The following PLCD4 variants were observed in gnomAD, a reference collection of about 807,000 sequenced individuals.
PLCD4 encodes the protein 1-phosphatidylinositol 4,5-bisphosphate phosphodiesterase delta-4.
A neutral mutation model predicts 90.2 loss-of-function variants in PLCD4; 63 were observed. The observed-to-expected ratio is 0.70, with a 90% confidence interval of 0.57 to 0.86. The LOEUF is 0.86. Ranked by LOEUF, PLCD4 falls within the 40% of genes least tolerant of loss-of-function variation. PLCD4 has a pLI of 0.00. For synonymous variants in PLCD4, 294 were observed against 356.5 expected (o/e 0.82, Z 1.97); for missense variants, 830 against 956.3 (o/e 0.87, Z 1.74).
rs143040318 is a variant in PLCD4 at position 218,631,029 on chromosome 2, A to C, written c.1272+227A>C. On this transcript the variant is annotated intron_variant, in intron 9 of 15. Coordinates refer to ENST00000450993, the MANE Select transcript of PLCD4 (RefSeq NM_032726.4). The stretch of plus-strand genomic sequence containing the variant: ...AAGTTTTAAATCAACAATTTACATT[A>C]TTTCTTTTCTCAGTGGAAGTATCTT... 5.9e-4 allele frequency among the ~76,000 whole-genome samples: 90 copies of C among 152,190 alleles called. 1 individual carries two copies. The East Asian group carries it at 0.015, about 25-fold the overall frequency.
intron 6 of PLCD4, among the ~76,000 whole-genome samples, chr2:218,624,812 A>AAC (rs1194378028): frequency 8.6e-5 from 13 of 151,854 alleles, no homozygotes; most frequent in African/African-American, 3.1e-4. Flanking sequence ...TTAAAAGTTT[A>AAC]AGAGATAGAA....
In PLCD4 at chr2:218,614,617, T is replaced by C. The variant is rs1575014032; in HGVS notation, c.-33-1090T>C. 2.6e-5 allele frequency among the ~76,000 whole-genome samples: 4 copies of C among 151,840 alleles called. No homozygotes were observed. The South Asian group carries it at 8.3e-4, about 32-fold the overall frequency. ...GGTGCTTGCCACCATGCCCAGCTAA[T>C]TTTTTTGTATTACTAGTGAGACGGG... On this transcript the variant is annotated intron_variant, in intron 1 of 15. Coordinates refer to ENST00000450993, the MANE Select transcript of PLCD4 (RefSeq NM_032726.4).
intron 14 of PLCD4, 89 bp downstream of exon 14, chr2:218,636,020 A>G: frequency 6.3e-7 from 1 of 1,578,010 alleles, no homozygotes; most frequent in South Asian, 1.2e-5. Flanking sequence ...AGCATCTGTT[A>G]TTGCATGTCC....
At chr2:218,612,756 G>T (rs1448366324) in intron 1 of PLCD4, among the ~76,000 whole-genome samples, 4 of 152,012 alleles carry the variant, frequency 2.6e-5, no homozygotes, top group African/African-American at 9.7e-5. Context: ...TGGCGACAGA[G>T]CAAGACTCCA....
At chr2:218,636,173 C>T in intron 14 of PLCD4, 70 bp from the exon 15 acceptor site, 4 of 1,527,140 alleles carry the variant, frequency 2.6e-6, no homozygotes, top group East Asian at 2.3e-5. Flanking sequence ...TAAATGAGAA[C>T]ACAAGAAAAG....
At position 218,634,362 on chromosome 2, in the gene PLCD4, A is replaced by G; in HGVS notation, c.1724-96A>G. The G allele has an allele frequency of 6.4e-7, 1 of 1,573,254 alleles. No individual in the cohort carries two copies. The highest frequency in any genetic ancestry group is 8.6e-7 in the Non-Finnish European group (1 of 1,156,440). ...CTATCAGTGGATATTACCAGCAGGT[A>G]CCGTGCACCCAGTACCTATCTTCTT... On this transcript the variant is annotated intron_variant, in intron 12 of 15. Transcript: ENST00000450993. This position sits in a 1 kb window ranked among gnomAD's most constrained non-coding sequence, Gnocchi z 4.0.
chr2:218,628,257 A>G, intron 7 of PLCD4, 27 bp downstream of exon 7: 1 of 1,593,702 alleles, frequency 6.3e-7, no homozygotes, highest in Middle Eastern at 1.7e-4. Context: ...GAAGGGGTCC[A>G]ACTCATGAGA....
intron 1 of PLCD4, among the ~76,000 whole-genome samples, chr2:218,610,141 AT>A (rs71403055): frequency 7.9e-5 from 12 of 151,878 alleles, no homozygotes; most frequent in African/African-American, 9.7e-5. Context: ...TTTAAAAAAA[AT>A]TTTTTTTATA....
At chr2:218,622,463 C>T in intron 5 of PLCD4, 184 bp from the exon 6 acceptor site, 1 of 471,592 alleles carries the variant, frequency 2.1e-6, no homozygotes, top group East Asian at 3.4e-5. Flanking sequence ...AAGGTCATAA[C>T]ATTTCCCATT....
At position 218,616,042 on chromosome 2, in the gene PLCD4, G is replaced by A. The variant is rs1695564622; in HGVS notation, c.161G>A (p.Arg54Lys). The A allele has an allele frequency of 1.9e-6, 3 of 1,613,732 alleles. No homozygotes were observed. Among genetic ancestry groups the A allele is most frequent in the Non-Finnish European group, 2.5e-6 (3 of 1,179,886 alleles). ...GMTVWHARQA[R>K]GSAKPSFSIS... ...ACAGTCTGGCATGCACGGCAGGCCA[G>A]GGGCAGTGCCAAGCCCAGCTGTGAG... Residue 54 changes from arginine to lysine, a missense_variant, in exon 3 of 16, where the codon AGG becomes AAG. Coordinates refer to ENST00000450993, the MANE Select transcript of PLCD4 (RefSeq NM_032726.4).
chr2:218,629,944 G>A (rs1696287080), intron 8 of PLCD4, among the ~76,000 whole-genome samples: 1 of 152,340 alleles, frequency 6.6e-6, no homozygotes, highest in South Asian at 2.1e-4. Flanking sequence ...CTGGGAGGCC[G>A]AGGCGGGTGG....
Position 218,616,927 on chromosome 2 carries a change from TAGAGAGAGAGAGAGAGAGAG to T in PLCD4, c.181+905_181+924del, listed in dbSNP as rs71266346. On this transcript the variant is annotated intron_variant, in intron 3 of 15. Transcript: ENST00000450993. The stretch of plus-strand genomic sequence containing the variant: ...ATATATATATATATATATATATATA[TAGAGAGAGAGAGAGAGAGAG>T]AGAGAGAGAGAGAGAGAGAGAGAGA... Among the ~76,000 whole-genome samples the T allele has an allele frequency of 3.1e-3, 43 of 13,760 alleles. 2 individuals carry two copies. Among genetic ancestry groups the T allele is most frequent in the Non-Finnish European group, 3.9e-3 (31 of 7,900 alleles). 9.0% of individuals were successfully genotyped at this position (13,760 alleles called of 152,430 possible).
At chr2:218,627,420 T>C (rs1696164196) in intron 6 of PLCD4, among the ~76,000 whole-genome samples, 3 of 151,626 alleles carry the variant, frequency 2.0e-5, no homozygotes, top group African/African-American at 7.3e-5. Flanking sequence ...TTTTTCTCTT[T>C]AGTACTATAG....
At chr2:218,633,873 GGAGTT>G in intron 11 of PLCD4, 112 bp downstream of exon 11, 6 of 1,158,454 alleles carry the variant, frequency 5.2e-6, no homozygotes, top group Admixed American at 2.0e-5. Context: ...GAGAGATGAA[GGAGTT>G]CAGAAACTCC....
At chr2:218,612,732 A>G (rs1029958868) in intron 1 of PLCD4, among the ~76,000 whole-genome samples, 2 of 152,154 alleles carry the variant, frequency 1.3e-5, no homozygotes, top group Non-Finnish European at 2.9e-5. Context: ...AGATGGTGCC[A>G]TTGCACTCCA....
At position 218,615,706 on chromosome 2, in the gene PLCD4, G is replaced by A. The variant is rs58401964; in HGVS notation, c.-33-1G>A. Reference sequence around the variant, plus strand: ...CCCTTTGCTCTTCCTTGCTCCTTTAGGTGATCTGGTGCCAGCTGGTGGAAC... The same window carrying A: ...CCCTTTGCTCTTCCTTGCTCCTTTAAGTGATCTGGTGCCAGCTGGTGGAAC... On this transcript the variant is annotated splice_acceptor_variant, in intron 1 of 15. Transcript: ENST00000450993. LOFTEE classifies it low-confidence loss of function (5UTR_SPLICE). 6 of 1,588,250 alleles carry A rather than the reference G, an allele frequency of 3.8e-6. No individual in the cohort carries two copies. The highest frequency in any genetic ancestry group is 5.1e-6 in the Non-Finnish European group (6 of 1,168,768).
At position 218,621,482 on chromosome 2, in the gene PLCD4, T is replaced by C. The variant is rs770256179; in HGVS notation, c.423T>C (p.Asp141=). ...GACTCATACCTGGATGGCTGAGCGA[T>C]TGGTTTCAACGTGGAGACAAAAATC... ...HQERLDQWLS[D]WFQRGDKNQD... Residue 141 remains aspartate (D), a synonymous_variant, in exon 5 of 16, where the codon GAT becomes GAC. Coordinates refer to ENST00000450993, the MANE Select transcript of PLCD4 (RefSeq NM_032726.4). 27 of 1,613,936 alleles carry C rather than the reference T, an allele frequency of 1.7e-5. No individual in the cohort carries two copies. The South Asian group carries it at 2.5e-4, about 15-fold the overall frequency.
intron 1 of PLCD4, among the ~76,000 whole-genome samples, chr2:218,614,577 G>A (rs1346852474): frequency 6.6e-6 from 1 of 151,956 alleles, no homozygotes; most frequent in Non-Finnish European, 1.5e-5. Flanking sequence ...AGCCTCCCAA[G>A]TAGCTGGGAT....
At chr2:218,635,628 C>T (rs1288980328) in intron 13 of PLCD4, among the ~76,000 whole-genome samples, 168 bp from the exon 14 acceptor site, 3 of 152,136 alleles carry the variant, frequency 2.0e-5, no homozygotes, top group African/African-American at 4.8e-5. Flanking sequence ...CCACCGTGCC[C>T]GGCCTTTGGG....
Sources: allele counts gnomAD v4.1 joint callset (sites outside exome capture counted in the v4.1 genomes callset), GRCh38; gene constraint gnomAD v4.1.1; non-coding constraint Gnocchi (gnomAD v3.1); transcripts MANE v1.5; gene names NCBI Gene and HGNC (gene_info 2026-07-23, HGNC 2026-07-21).